The following RNF213 variants were observed in gnomAD, a reference collection of about 807,000 sequenced individuals.
The protein encoded by RNF213 is E3 ubiquitin-protein ligase RNF213.
In RNF213, 341 loss-of-function variants were observed where a neutral mutation model predicts 514.4. The ratio of observed to expected loss-of-function variants is 0.66; its 90% CI spans 0.61 to 0.73. The LOEUF (loss-of-function observed/expected upper bound fraction) is 0.73, where lower values mean the gene tolerates loss of function less well. Among genes scored for constraint, RNF213 ranks in the 30% least tolerant of loss-of-function variants. RNF213 has a pLI of 0.00. For synonymous variants in RNF213, 2,655 were observed against 2,658.2 expected (o/e 1.00, Z 0.04); for missense variants, 5,767 against 6,615.6 (o/e 0.87, Z 4.45).
Position 80,334,086 on chromosome 17 carries a change from G to C in RNF213, c.4144-19G>C, listed in dbSNP as rs2077914023. On this transcript the variant is annotated intron_variant, in intron 21 of 67. Coordinates refer to ENST00000582970, the MANE Select transcript of RNF213 (RefSeq NM_001256071.3). ...TCTGGTTAATGAGTTCCAGTCCACA[G>C]TAGAGCTTTTTCTTGCAGACTGATA... The C allele has an allele frequency of 2.0e-6, 3 of 1,537,012 alleles. No individual in the cohort carries two copies. The highest frequency in any genetic ancestry group is 2.4e-5 in the South Asian group (2 of 84,064).
At chr17:80,374,311 T>C in intron 49 of RNF213, 147 bp from the exon 50 acceptor site, 1 of 1,008,544 alleles carries the variant, frequency 9.9e-7, no homozygotes, top group Non-Finnish European at 1.6e-6. Flanking sequence ...GGCACCAGAC[T>C]GTCCTGCCTC....
At position 80,367,971 on chromosome 17, in the gene RNF213, C is replaced by T; in HGVS notation, c.11983C>T (p.Gln3995Ter). Residue 3995 changes from glutamine (Q) to a stop codon, truncating the protein, a stop_gained, in exon 44 of 68, where the codon CAG becomes TAG. Transcript: ENST00000582970. LOFTEE classifies it high-confidence loss of function. Reference sequence around the variant, plus strand: ...CTTCTTGGATTCTAGGTTTGGGATTCAGCCGTGCTCCATCTGCCTGGGAGA... The same window carrying T: ...CTTCTTGGATTCTAGGTTTGGGATTTAGCCGTGCTCCATCTGCCTGGGAGA... ...ASKTLSRFGI[Q>*]PCSICLGDAK... 1 of 1,614,254 alleles carries T rather than the reference C, an allele frequency of 6.2e-7. No homozygotes were observed. The highest frequency in any genetic ancestry group is 8.5e-7 in the Non-Finnish European group (1 of 1,180,048).
Position 80,344,851 on chromosome 17 carries a change from A to G in RNF213, c.6516A>G (p.Arg2172=), listed in dbSNP as rs1422114068. 1 of 1,614,192 alleles carries G rather than the reference A, an allele frequency of 6.2e-7. No individual in the cohort carries two copies. The highest frequency in any genetic ancestry group is 8.5e-7 in the Non-Finnish European group (1 of 1,180,038). The part of the protein sequence containing the change: ...ETFQRPYQYL[R]RFNQNQDLDT... ...TCCAAAGACCTTACCAGTATTTAAG[A>G]CGATTCAATCAAAACCAAGACCTAG... Residue 2172 remains arginine (R), a synonymous_variant, in exon 29 of 68, where the codon AGA becomes AGG. Coordinates refer to ENST00000582970, the MANE Select transcript of RNF213 (RefSeq NM_001256071.3).
Position 80,347,838 on chromosome 17 carries a change from G to A in RNF213, c.9503G>A (p.Arg3168Gln), listed in dbSNP as rs1243287318. Residue 3168 changes from arginine (R) to glutamine (Q), a missense_variant, in exon 29 of 68, where the codon CGG becomes CAG. Physicochemically the swap from Arg to Gln is conservative, Grantham distance 43. Around this residue, in one of 13 missense-constraint regions of RNF213, gnomAD observed 919 missense variants for 1,121.0 expected, o/e 0.82. Transcript: ENST00000582970. This position sits in a 1 kb window ranked among gnomAD's most constrained non-coding sequence, Gnocchi z 7.2. ...YKHFPIPLIN[R>Q]LEKHYLDINT... ...CACTTTCCCATCCCCCTCATTAACC[G>A]GCTGGAGAAGCACTATCTGGATATC... 2 of 1,613,928 alleles carry A rather than the reference G, an allele frequency of 1.2e-6. No homozygotes were observed. The highest frequency in any genetic ancestry group is 2.2e-5 in the East Asian group (1 of 44,878).
chr17:80,324,178 G>C (rs1305528347), intron 17 of RNF213, among the ~76,000 whole-genome samples: 2 of 152,202 alleles, frequency 1.3e-5, no homozygotes, highest in Non-Finnish European at 2.9e-5. Context: ...CTGATCTTAA[G>C]AGAAGGTTTC....
chr17:80,275,072 G>T (rs1488939812), intron 3 of RNF213, among the ~76,000 whole-genome samples: 3 of 138,898 alleles, frequency 2.2e-5, no homozygotes, highest in Non-Finnish European at 4.7e-5. Context: ...AGTTGGGGGT[G>T]TGTGAGTGGG....
chr17:80,291,241 A>T (rs533614117), intron 7 of RNF213, among the ~76,000 whole-genome samples: 2 of 149,682 alleles, frequency 1.3e-5, no homozygotes, highest in South Asian at 4.2e-4. Flanking sequence ...TTTTAAAAGT[A>T]TTCTTTCTTT....
intron 3 of RNF213, among the ~76,000 whole-genome samples, chr17:80,285,151 C>A (rs961683910): frequency 1.3e-5 from 2 of 152,212 alleles, no homozygotes; most frequent in African/African-American, 2.4e-5. Flanking sequence ...GTGTACCAGG[C>A]AGTGTCCTAC....
chr17:80,311,341 T>C (rs2143649732), intron 14 of RNF213, among the ~76,000 whole-genome samples: 1 of 152,360 alleles, frequency 6.6e-6, no homozygotes, highest in East Asian at 1.9e-4. Flanking sequence ...CGTGTCAGGC[T>C]CCGGAGGTCT....
At chr17:80,361,309 A>C (rs1049012379) in intron 38 of RNF213, among the ~76,000 whole-genome samples, 1 of 152,206 alleles carries the variant, frequency 6.6e-6, no homozygotes, top group Non-Finnish European at 1.5e-5. Context: ...ACCTGAGGTC[A>C]GGAGTTCGAG....
rs12944088 is a variant in RNF213 at position 80,383,678 on chromosome 17, A to G, written c.14072A>G (p.His4691Arg). ...TTTTTTTTCATTTTCTCCATCCAGC[A>G]TCTAGATAAAACCCTTCCCACCATG... ...IAAVISPELE[H>R]LDKTLPTMNN... is the part of the protein sequence containing the mutation. Residue 4691 changes from histidine to arginine, a missense_variant and splice_region_variant, in exon 59 of 68, where the codon CAT becomes CGT. His to Arg is a conservative substitution (Grantham distance 29, BLOSUM62 0). Around this residue, in one of 13 missense-constraint regions of RNF213, gnomAD observed 1,245 missense variants for 1,339.0 expected, o/e 0.93. Coordinates refer to ENST00000582970, the MANE Select transcript of RNF213 (RefSeq NM_001256071.3). The G allele has an allele frequency of 0.016, 25,909 of 1,613,818 alleles. 275 individuals are homozygous for G. The highest frequency in any genetic ancestry group is 0.036 in the Middle Eastern group (216 of 6,062).
chr17:80,357,611 ATTTAT>A (rs747613172), intron 36 of RNF213, among the ~76,000 whole-genome samples: 54 of 152,210 alleles, frequency 3.5e-4, no homozygotes, highest in Non-Finnish European at 7.1e-4. Context: ...TCATAATTTT[ATTTAT>A]TTAGAGAACC....
intron 67 of RNF213, among the ~76,000 whole-genome samples, chr17:80,391,823 T>C (rs1368995228): frequency 2.2e-5 from 3 of 136,356 alleles, no homozygotes; most frequent in African/African-American, 8.4e-5. Flanking sequence ...CAGGCTAGAG[T>C]GCAATGGTGT....
chr17:80,361,419 C>T (rs1273053069), intron 38 of RNF213, among the ~76,000 whole-genome samples: 1 of 152,148 alleles, frequency 6.6e-6, no homozygotes, highest in East Asian at 1.9e-4. Context: ...ACTTGGTAGG[C>T]TGAGGCAGGA....
rs1451287343 is a variant in RNF213 at position 80,340,170 on chromosome 17, G to A, written c.5803G>A (p.Glu1935Lys). The change falls in exon 26 of 68, where the codon GAG becomes AAG. Residue 1935 changes from glutamate to lysine, a missense_variant. This residue lies in a region of RNF213 where 1,377 missense variants were observed against 1,635.2 expected (regional missense o/e 0.84). Transcript: ENST00000582970. ...QLVMVCDGDW[E>K]HCYLPSAFSQ... ...CGTCATGGTCTGTGATGGGGACTGG[G>A]AGCACTGCTACCTCCCCTCTGCCTT... is the stretch of plus-strand genomic sequence containing the variant. The A allele has an allele frequency of 1.2e-6, 2 of 1,613,844 alleles. No homozygotes were observed. The highest frequency in any genetic ancestry group is 2.2e-5 in the East Asian group (1 of 44,878).
chr17:80,373,081 G>C lies in RNF213; in HGVS notation c.12858G>C (p.Gln4286His). 1.2e-6 allele frequency: 2 copies of C among 1,613,958 alleles called. No individual in the cohort carries two copies. The highest frequency in any genetic ancestry group is 1.7e-6 in the Non-Finnish European group (2 of 1,180,004). Residue 4286 changes from glutamine (Q) to histidine (H), a missense_variant, in exon 49 of 68, where the codon CAG (glutamine) becomes CAC (histidine). Gln to His is a conservative substitution (Grantham distance 24). Transcript: ENST00000582970. Reference protein sequence around the residue: ...RVYLVRKLSSQRGMEFVQGLS... With the variant: ...RVYLVRKLSSHRGMEFVQGLS... ...ACCTGGTGCGGAAGCTCAGCAGCCA[G>C]CGGGGGATGGAGTTCGTGCAGGGCC...
At chr17:80,386,939 A>C (rs1000935468) in intron 63 of RNF213, 48 bp downstream of exon 63, 10 of 1,541,230 alleles carry the variant, frequency 6.5e-6, no homozygotes, top group Non-Finnish European at 7.1e-6. Context: ...GTCTGTTGTG[A>C]ACAAGCAGCC....
chr17:80,355,446 G>T (rs1387178316), intron 36 of RNF213, among the ~76,000 whole-genome samples: 1 of 92,786 alleles, frequency 1.1e-5, no homozygotes, highest in Admixed American at 1.1e-4. Flanking sequence ...GGGAATCGGG[G>T]CTCACGGAGG....
Position 80,390,071 on chromosome 17 carries a change from G to C in RNF213, c.15345G>C (p.Lys5115Asn), listed in dbSNP as rs138811474. The part of the protein sequence containing the change: ...YKADLSPENA[K>N]LLSTFLNQTG... ...CGGATCTGAGCCCGGAAAATGCTAAGCTCCTCAGCACATTCCTAAATCAGA... is the reference window on the plus strand; with the variant it reads ...CGGATCTGAGCCCGGAAAATGCTAACCTCCTCAGCACATTCCTAAATCAGA... Residue 5115 changes from lysine (K) to asparagine (N), a missense_variant, in exon 67 of 68, where the codon AAG becomes AAC. Transcript: ENST00000582970. The C allele has an allele frequency of 2.3e-5, 37 of 1,614,108 alleles. No individual in the cohort carries two copies. The highest frequency in any genetic ancestry group is 3.1e-5 in the Non-Finnish European group (37 of 1,180,046).
Sources: allele counts gnomAD v4.1 joint callset (sites outside exome capture counted in the v4.1 genomes callset), GRCh38; gene constraint gnomAD v4.1.1; regional missense constraint gnomAD v4.1.1; non-coding constraint Gnocchi (gnomAD v3.1); transcripts MANE v1.5; gene names NCBI Gene and HGNC (gene_info 2026-07-23, HGNC 2026-07-21).